The following HS3ST4 variants were observed in gnomAD, a reference collection of about 807,000 sequenced individuals.
HS3ST4 encodes heparan sulfate glucosamine 3-O-sulfotransferase 4.
Under a neutral mutation model 29.2 loss-of-function variants are expected in HS3ST4, and 17 were observed. The ratio of observed to expected loss-of-function variants is 0.58; its 90% CI spans 0.40 to 0.87. The LOEUF is 0.87. HS3ST4 is among the 40% of genes least tolerant of loss of function. HS3ST4 has a pLI of 0.00. For missense variants in HS3ST4, 627 were observed against 634.5 expected, an observed-to-expected ratio of 0.99 and a Z score of 0.13; for synonymous variants, 314 against 285.7, an observed-to-expected ratio of 1.10 and a Z score of -1.00.
chr16:26,066,691 G>A (rs929815845), intron 1 of HS3ST4, among the ~76,000 whole-genome samples: 1 of 152,190 alleles, frequency 6.6e-6, no homozygotes, highest in Non-Finnish European at 1.5e-5. Context: ...CAGAAAGACA[G>A]TGTGCAGAAG....
At chr16:25,978,477 A>G (rs1385690500) in intron 1 of HS3ST4, among the ~76,000 whole-genome samples, 3 of 152,256 alleles carry the variant, frequency 2.0e-5, no homozygotes, top group South Asian at 2.1e-4. Context: ...ACAGATGGTG[A>G]CTGGATTTGG....
Position 25,909,701 on chromosome 16 carries a change from A to G in HS3ST4, c.734+216550A>G, listed in dbSNP as rs564925949. Among the ~76,000 whole-genome samples the G allele has an allele frequency of 2.0e-5, 3 of 152,340 alleles. No individual in the cohort carries two copies. The South Asian group carries it at 6.2e-4, about 32-fold the overall frequency. On this transcript the variant is annotated intron_variant, in intron 1 of 1. Transcript: ENST00000331351. ...ACTTGCGGTATCTCATTTAATGCTC[A>G]CAACAACACTGCCAACTAGTCTTTA...
intron 1 of HS3ST4, among the ~76,000 whole-genome samples, chr16:25,904,911 CTTA>C (rs1378177306): frequency 6.6e-6 from 1 of 152,088 alleles, no homozygotes; most frequent in Non-Finnish European, 1.5e-5. Flanking sequence ...AATGTTAGCT[CTTA>C]TTATAAATTT....
intron 1 of HS3ST4, among the ~76,000 whole-genome samples, chr16:26,054,301 G>A (rs955658285): frequency 5.4e-5 from 7 of 129,918 alleles, no homozygotes; most frequent in East Asian, 4.4e-4. Flanking sequence ...AGAGAGAGAA[G>A]GAGGAGGAGG....
At chr16:25,839,598 T>C (rs534434787) in intron 1 of HS3ST4, among the ~76,000 whole-genome samples, 72 of 152,338 alleles carry the variant, frequency 4.7e-4, no homozygotes, top group Non-Finnish European at 7.3e-4. Context: ...ATTTACATGG[T>C]CTTTTTCTTT....
chr16:25,725,689 T>C (rs1596553870), intron 1 of HS3ST4, among the ~76,000 whole-genome samples: 2 of 151,072 alleles, frequency 1.3e-5, no homozygotes, highest in East Asian at 3.9e-4. Context: ...TATATTGCAA[T>C]TTATATATAA....
intron 1 of HS3ST4, among the ~76,000 whole-genome samples, chr16:25,987,148 C>T (rs555204516): frequency 1.4e-4 from 21 of 152,018 alleles, no homozygotes; most frequent in East Asian, 5.8e-4. Flanking sequence ...GTCGGGAGTT[C>T]GAAACCAGCC....
At chr16:25,942,687 T>C (rs931388954) in intron 1 of HS3ST4, among the ~76,000 whole-genome samples, 5 of 151,684 alleles carry the variant, frequency 3.3e-5, no homozygotes, top group African/African-American at 1.2e-4. Context: ...GGTGTGATTG[T>C]GGCTCACTGC....
At chr16:25,923,069 C>T (rs1216964537) in intron 1 of HS3ST4, among the ~76,000 whole-genome samples, 3 of 152,212 alleles carry the variant, frequency 2.0e-5, no homozygotes, top group African/African-American at 7.2e-5. Context: ...TTTTCTTCCT[C>T]TACTACATAA....
At chr16:25,891,235 A>C (rs952615285) in intron 1 of HS3ST4, among the ~76,000 whole-genome samples, 14 of 152,204 alleles carry the variant, frequency 9.2e-5, no homozygotes, top group African/African-American at 2.9e-4. Context: ...GACTGGGTAT[A>C]TATAAGGTTG....
chr16:26,008,625 C>A (rs1363496198), intron 1 of HS3ST4, among the ~76,000 whole-genome samples: 1 of 152,120 alleles, frequency 6.6e-6, no homozygotes, highest in Non-Finnish European at 1.5e-5. Context: ...TCAAGACCAG[C>A]CTGACCAACA....
chr16:25,841,301 G>C (rs561361364), intron 1 of HS3ST4, among the ~76,000 whole-genome samples: 2 of 151,300 alleles, frequency 1.3e-5, no homozygotes, highest in African/African-American at 4.9e-5. Flanking sequence ...CACCACGCCC[G>C]GCCACTTTAT....
At chr16:25,849,530 C>T (rs1420699216) in intron 1 of HS3ST4, among the ~76,000 whole-genome samples, 3 of 152,110 alleles carry the variant, frequency 2.0e-5, no homozygotes, top group South Asian at 2.1e-4. Flanking sequence ...GACAGGGGCT[C>T]GGTCTATCAC....
intron 1 of HS3ST4, among the ~76,000 whole-genome samples, chr16:25,872,624 C>T (rs1008340832): frequency 4.6e-5 from 7 of 152,156 alleles, no homozygotes; most frequent in African/African-American, 1.7e-4. Context: ...CTGTAAGTTT[C>T]CCAAGGCAAC....
chr16:25,719,860 C>T (rs1198273369), intron 1 of HS3ST4, among the ~76,000 whole-genome samples: 2 of 152,168 alleles, frequency 1.3e-5, no homozygotes, highest in Admixed American at 6.5e-5. Context: ...TCACCAGACA[C>T]TGTTGTGGAT....
chr16:26,088,564 A>G (rs1013753012), intron 1 of HS3ST4, among the ~76,000 whole-genome samples: 1 of 152,198 alleles, frequency 6.6e-6, no homozygotes, highest in Non-Finnish European at 1.5e-5. Context: ...TGAGAGGCTG[A>G]TAAGTTCACA....
At chr16:25,801,272 C>A (rs1457715732) in intron 1 of HS3ST4, among the ~76,000 whole-genome samples, 1 of 152,090 alleles carries the variant, frequency 6.6e-6, no homozygotes, top group Non-Finnish European at 1.5e-5. Context: ...TGCTGGTATG[C>A]AACATAGTGC....
intron 1 of HS3ST4, among the ~76,000 whole-genome samples, chr16:25,716,868 A>G (rs1966457824): frequency 6.6e-6 from 1 of 152,180 alleles, no homozygotes; most frequent in Non-Finnish European, 1.5e-5. Flanking sequence ...AGCCTGGCCA[A>G]CATGGTGAAA....
chr16:25,763,420 G>A (rs1181458812), intron 1 of HS3ST4, among the ~76,000 whole-genome samples: 1 of 152,216 alleles, frequency 6.6e-6, no homozygotes, highest in African/African-American at 2.4e-5. Context: ...GTAAACACAA[G>A]CAGGGCTCTT....
Sources: gnomAD v4.1 joint callset for allele counts (sites outside exome capture counted in the v4.1 genomes callset) on GRCh38, gnomAD v4.1.1 for gene constraint, MANE v1.5 for transcripts, NCBI Gene and HGNC (gene_info 2026-07-23, HGNC 2026-07-21) for gene names.